Variants in TASP1 observed in about 807,000 individuals in gnomAD.
The protein encoded by TASP1 is taspase 1.
A neutral mutation model predicts 56.6 loss-of-function variants in TASP1; 16 were observed. That is an observed-to-expected ratio of 0.28 (90% confidence interval 0.19 to 0.43). The LOEUF is 0.43. Among genes scored for constraint, TASP1 ranks in the 20% least tolerant of loss-of-function variants. TASP1 has a pLI of 1.00. For synonymous variants in TASP1, 179 were observed against 184.2 expected (o/e 0.97, Z 0.23); for missense variants, 393 against 511.6 (o/e 0.77, Z 2.24).
the TASP1 span, among the ~76,000 whole-genome samples, chr20:13,173,686 G>C: frequency 6.6e-6 from 1 of 152,094 alleles, no homozygotes; most frequent in African/African-American, 2.4e-5. Context: ...TCTCACCTCT[G>C]TGATCTTTGC....
chr20:13,113,081 G>A, the TASP1 span, among the ~76,000 whole-genome samples: 3 of 152,132 alleles, frequency 2.0e-5, no homozygotes, highest in African/African-American at 7.2e-5. Flanking sequence ...TACTGAGGAG[G>A]CTAAGGCACA....
intron 11 of TASP1, among the ~76,000 whole-genome samples, chr20:13,460,740 G>A (rs556573734): frequency 6.6e-6 from 1 of 152,066 alleles, no homozygotes; most frequent in South Asian, 2.1e-4. Flanking sequence ...AATCCTGTTA[G>A]CTTTACCTTC....
At chr20:13,273,014 T>G in the TASP1 span, among the ~76,000 whole-genome samples, 5 of 152,108 alleles carry the variant, frequency 3.3e-5, no homozygotes, top group Admixed American at 6.5e-5. Context: ...ATTTAAGAAT[T>G]ACTAACGCAA....
intron 10 of TASP1, among the ~76,000 whole-genome samples, chr20:13,522,019 G>C (rs1026798061): frequency 2.6e-5 from 4 of 152,100 alleles, no homozygotes; most frequent in Non-Finnish European, 5.9e-5. Flanking sequence ...AGACACTGAG[G>C]GTGGAGGAGA....
At chr20:13,378,257 G>C in the TASP1 span, among the ~76,000 whole-genome samples, 284 of 152,274 alleles carry the variant, frequency 1.9e-3, 6 homozygotes, top group Admixed American at 0.018. Context: ...GTGTCCCAGA[G>C]ATTCTGTTAC....
At chr20:13,509,500 C>CAAA (rs1161201639) in intron 10 of TASP1, among the ~76,000 whole-genome samples, 88 of 152,032 alleles carry the variant, frequency 5.8e-4, no homozygotes, top group African/African-American at 2.1e-3. Flanking sequence ...CTCACGACAC[C>CAAA]AAAAAAGGTA....
chr20:13,154,777 TA>T, the TASP1 span, among the ~76,000 whole-genome samples: 1 of 152,238 alleles, frequency 6.6e-6, no homozygotes, highest in African/African-American at 2.4e-5. Context: ...AACAACTGCA[TA>T]AAGAGGAAAA....
At chr20:13,406,661 GT>G (rs201624204) in intron 13 of TASP1, among the ~76,000 whole-genome samples, 1 of 129,458 alleles carries the variant, frequency 7.7e-6, no homozygotes, top group Non-Finnish European at 1.6e-5. Flanking sequence ...TATTTTGAGG[GT>G]TTTTTCTTTT....
At chr20:13,491,837 CA>C (rs758050428) in intron 10 of TASP1, among the ~76,000 whole-genome samples, 7 of 152,098 alleles carry the variant, frequency 4.6e-5, no homozygotes, top group Non-Finnish European at 8.8e-5. Context: ...CCCATTATTA[CA>C]AAATGAAAAT....
At chr20:13,562,966 GCGTA>G (rs1475823281) in intron 7 of TASP1, among the ~76,000 whole-genome samples, 3 of 139,336 alleles carry the variant, frequency 2.2e-5, no homozygotes, top group Admixed American at 7.1e-5. Flanking sequence ...GTGTATACGT[GCGTA>G]TGTATGTGTG....
chr20:13,588,147 G>C (rs1035914138), intron 4 of TASP1, among the ~76,000 whole-genome samples: 14 of 151,722 alleles, frequency 9.2e-5, no homozygotes, highest in Non-Finnish European at 1.5e-4. Context: ...CTTCCCCTAA[G>C]ATCAGGAACA....
the TASP1 span, among the ~76,000 whole-genome samples, chr20:13,221,453 A>C: frequency 1.4e-5 from 2 of 139,050 alleles, no homozygotes; most frequent in South Asian, 2.5e-4. Context: ...CTGTCCCGGG[A>C]CCCAGTCTCC....
intron 10 of TASP1, among the ~76,000 whole-genome samples, chr20:13,504,071 G>A (rs1481452521): frequency 6.6e-6 from 1 of 151,980 alleles, no homozygotes; most frequent in Non-Finnish European, 1.5e-5. Flanking sequence ...CAAATCTGGG[G>A]AGAGATATAG....
chr20:13,407,001 G>T (rs910935700), intron 13 of TASP1, among the ~76,000 whole-genome samples: 1 of 152,054 alleles, frequency 6.6e-6, no homozygotes, highest in Non-Finnish European at 1.5e-5. Context: ...AAGTTGAGAT[G>T]ATCATATGGA....
chr20:13,433,856 A>C (rs533032360), intron 12 of TASP1, among the ~76,000 whole-genome samples: 3 of 151,832 alleles, frequency 2.0e-5, no homozygotes, highest in East Asian at 1.9e-4. Flanking sequence ...AAAAAAAAAA[A>C]AAAACAGAAG....
At chr20:13,535,379 T>C (rs6134904) in intron 8 of TASP1, among the ~76,000 whole-genome samples, 32,449 of 152,174 alleles carry the variant, frequency 0.21, 3,634 homozygotes, top group Middle Eastern at 0.28. Context: ...TCAAGTCTGT[T>C]AGGAAAAGGT....
the TASP1 span, chr20:13,164,647 C>A: frequency 1.3e-6 from 1 of 798,068 alleles, no homozygotes. Flanking sequence ...AAGAAGCTAG[C>A]AAACTAAGAC....
At chr20:13,240,106 T>C in the TASP1 span, among the ~76,000 whole-genome samples, 2 of 152,336 alleles carry the variant, frequency 1.3e-5, no homozygotes, top group East Asian at 1.9e-4. Context: ...CATATAAGCA[T>C]TGAGCACTGC....
chr20:13,187,889 A>G, the TASP1 span, among the ~76,000 whole-genome samples: 2 of 152,140 alleles, frequency 1.3e-5, no homozygotes, highest in Non-Finnish European at 2.9e-5. Context: ...TGATTTGAGT[A>G]TGTCCACTCC....
Sources: gnomAD v4.1 joint callset for allele counts (sites outside exome capture counted in the v4.1 genomes callset) on GRCh38, gnomAD v4.1.1 for gene constraint, MANE v1.5 for transcripts, NCBI Gene and HGNC (gene_info 2026-07-23, HGNC 2026-07-21) for gene names.